MAML3: variants seen among roughly 807,000 people sequenced by gnomAD.
MAML3 encodes mastermind like transcriptional coactivator 3.
In MAML3, 27 loss-of-function variants were observed where a neutral mutation model predicts 101.9. That is an observed-to-expected ratio of 0.27 (90% confidence interval 0.20 to 0.37). The LOEUF is 0.37. Among genes scored for constraint, MAML3 ranks in the 10% least tolerant of loss-of-function variants. The pLI is 1.00. For missense variants in MAML3, 1,316 were observed against 1,444.9 expected (o/e 0.91, Z 1.45); for synonymous variants, 501 against 555.9 (o/e 0.90, Z 1.39).
chr4:139,890,474 G>A lies in MAML3; in HGVS notation c.962C>T (p.Pro321Leu). The A allele has an allele frequency of 2.5e-6, 4 of 1,613,870 alleles. No individual in the cohort carries two copies. Among genetic ancestry groups the A allele is most frequent in the Non-Finnish European group, 3.4e-6 (4 of 1,179,782 alleles). Residue 321 changes from proline to leucine, a missense_variant, in exon 2 of 5, where the codon CCT (proline) becomes CTT (leucine). Physicochemically the swap from Pro to Leu is moderately conservative, Grantham distance 98. Coordinates refer to ENST00000509479, the MANE Select transcript of MAML3 (RefSeq NM_018717.5). This position sits in a 1 kb window ranked among gnomAD's most constrained non-coding sequence, Gnocchi z 4.1. ...ELIDELANTV[P>L]EDDIQDLFNE... is the part of the protein sequence containing the mutation. Reference sequence around the variant, plus strand: ...GAACAGGTCCTGTATGTCATCCTCAGGAACCGTGTTGGCCAATTCATCTAT... The same window carrying A: ...GAACAGGTCCTGTATGTCATCCTCAAGAACCGTGTTGGCCAATTCATCTAT...
intron 1 of MAML3, among the ~76,000 whole-genome samples, chr4:139,959,844 G>A (rs563884087): frequency 6.6e-6 from 1 of 152,254 alleles, no homozygotes; most frequent in Admixed American, 6.5e-5. Flanking sequence ...AAGGTCATTA[G>A]TACCCATGAT....
At chr4:139,763,928 T>C (rs1257977609) in intron 2 of MAML3, among the ~76,000 whole-genome samples, 3 of 152,296 alleles carry the variant, frequency 2.0e-5, no homozygotes, top group Admixed American at 2.0e-4. Context: ...GAAGTGCTTC[T>C]GTTGCTAAAA....
chr4:140,148,483 C>G (rs1027306017), intron 1 of MAML3, among the ~76,000 whole-genome samples: 1 of 152,188 alleles, frequency 6.6e-6, no homozygotes, highest in Non-Finnish European at 1.5e-5. Flanking sequence ...TTTCCACAAA[C>G]TTAAGGCATG....
At chr4:139,878,822 G>T (rs1422571138) in intron 2 of MAML3, among the ~76,000 whole-genome samples, 3 of 152,200 alleles carry the variant, frequency 2.0e-5, no homozygotes, top group Non-Finnish European at 4.4e-5. Context: ...GCTCTGAGGA[G>T]AACAGCCCGA....
At chr4:140,013,790 C>T (rs906876775) in intron 1 of MAML3, among the ~76,000 whole-genome samples, 4 of 152,234 alleles carry the variant, frequency 2.6e-5, no homozygotes, top group African/African-American at 9.6e-5. Context: ...GTGTAAATTC[C>T]TTCATTACTT....
chr4:139,817,354 C>G (rs995489559), intron 2 of MAML3, among the ~76,000 whole-genome samples: 4 of 152,144 alleles, frequency 2.6e-5, no homozygotes, highest in African/African-American at 9.7e-5. Context: ...TGGCTTTCAT[C>G]CATGCAAATT....
intron 2 of MAML3, among the ~76,000 whole-genome samples, chr4:139,869,833 A>G (rs1365603743): frequency 1.3e-5 from 2 of 152,256 alleles, no homozygotes; most frequent in Non-Finnish European, 2.9e-5. Flanking sequence ...TGGCAACAGT[A>G]GAAAAAAATA....
intron 2 of MAML3, among the ~76,000 whole-genome samples, chr4:139,861,755 T>C (rs1731789116): frequency 6.6e-6 from 1 of 152,110 alleles, no homozygotes; most frequent in Non-Finnish European, 1.5e-5. Flanking sequence ...TGGTGTACCC[T>C]CAGTGGGCCT....
chr4:140,043,026 TA>T (rs1727113663), intron 1 of MAML3, among the ~76,000 whole-genome samples: 1 of 151,698 alleles, frequency 6.6e-6, no homozygotes, highest in Non-Finnish European at 1.5e-5. Context: ...TGATTTTTTT[TA>T]AAAAAACAAA....
chr4:140,106,502 A>C (rs1560895566), intron 1 of MAML3, among the ~76,000 whole-genome samples: 1 of 152,222 alleles, frequency 6.6e-6, no homozygotes, highest in Non-Finnish European at 1.5e-5. Context: ...TGACCATGAA[A>C]GTCATGAAGA....
intron 1 of MAML3, among the ~76,000 whole-genome samples, chr4:139,997,886 A>C (rs548916388): frequency 1.1e-3 from 171 of 152,186 alleles, no homozygotes; most frequent in Non-Finnish European, 1.7e-3. Flanking sequence ...TTTTTTAAAA[A>C]TGAGAAGCCA....
intron 1 of MAML3, among the ~76,000 whole-genome samples, chr4:140,069,981 T>C: frequency 6.6e-6 from 1 of 152,050 alleles, no homozygotes; most frequent in Non-Finnish European, 1.5e-5. Flanking sequence ...CTAGGTGTGG[T>C]GGTGCACACC....
At chr4:140,002,735 A>G (rs1324465894) in intron 1 of MAML3, among the ~76,000 whole-genome samples, 1 of 152,152 alleles carries the variant, frequency 6.6e-6, no homozygotes, top group Non-Finnish European at 1.5e-5. Flanking sequence ...TTCTCACACC[A>G]CAGAAAACCA....
intron 1 of MAML3, among the ~76,000 whole-genome samples, chr4:139,929,125 C>T (rs1342501818): frequency 1.3e-5 from 2 of 152,246 alleles, no homozygotes; most frequent in East Asian, 3.9e-4. Context: ...AATAGCCCCC[C>T]AAATGCAGAG....
At chr4:139,938,454 A>C (rs770795540) in intron 1 of MAML3, among the ~76,000 whole-genome samples, 2 of 152,186 alleles carry the variant, frequency 1.3e-5, no homozygotes, top group Non-Finnish European at 2.9e-5. Flanking sequence ...GGCTTTTTAC[A>C]CTCATTCAAG....
At chr4:140,044,115 A>T (rs888890339) in intron 1 of MAML3, among the ~76,000 whole-genome samples, 1 of 129,174 alleles carries the variant, frequency 7.7e-6, no homozygotes, top group Non-Finnish European at 1.8e-5. Flanking sequence ...AAACAGTTCT[A>T]TAAGAAAGAA....
chr4:140,072,865 G>A (rs1033236969), intron 1 of MAML3, among the ~76,000 whole-genome samples: 8 of 152,200 alleles, frequency 5.3e-5, no homozygotes, highest in Middle Eastern at 3.4e-3. Context: ...AAGAGGATAC[G>A]CTGCATGAAG....
intron 2 of MAML3, among the ~76,000 whole-genome samples, chr4:139,836,965 A>C (rs900136007): frequency 6.6e-6 from 1 of 151,738 alleles, no homozygotes; most frequent in Non-Finnish European, 1.5e-5. Flanking sequence ...TCTACTAAAA[A>C]TACAAAATTA....
At chr4:139,754,995 G>A (rs1266318107) in intron 2 of MAML3, among the ~76,000 whole-genome samples, 3 of 152,106 alleles carry the variant, frequency 2.0e-5, no homozygotes, top group African/African-American at 4.8e-5. Context: ...TTGCCTCTTC[G>A]GCGTGGCGAA....
Sources: allele counts gnomAD v4.1 joint callset (sites outside exome capture counted in the v4.1 genomes callset), GRCh38; gene constraint gnomAD v4.1.1; non-coding constraint Gnocchi (gnomAD v3.1); transcripts MANE v1.5; gene names NCBI Gene and HGNC (gene_info 2026-07-23, HGNC 2026-07-21).